RBFOX3: variants seen among roughly 807,000 people sequenced by gnomAD.
RBFOX3 encodes the protein RNA binding fox-1 homolog 3.
A neutral mutation model predicts 48.7 loss-of-function variants in RBFOX3; 17 were observed. The observed-to-expected ratio is 0.35, with a 90% CI of 0.24 to 0.52. RBFOX3 has a LOEUF of 0.52. RBFOX3 is among the 20% of genes least tolerant of loss of function. The pLI, the probability that RBFOX3 is intolerant of heterozygous loss-of-function variation, is 0.94. For synonymous variants in RBFOX3, 212 were observed against 209.5 expected, an observed-to-expected ratio of 1.01 and a Z score of -0.10; for missense variants, 382 against 497.5, an observed-to-expected ratio of 0.77 and a Z score of 2.21.
At chr17:79,374,566 G>A (rs2147749124) in intron 2 of RBFOX3, among the ~76,000 whole-genome samples, 1 of 152,356 alleles carries the variant, frequency 6.6e-6, no homozygotes, top group South Asian at 2.1e-4. Flanking sequence ...GAACCAGACT[G>A]ATGAGAAAAT....
intron 2 of RBFOX3, among the ~76,000 whole-genome samples, chr17:79,359,499 A>C (rs2085880851): frequency 6.6e-6 from 1 of 152,198 alleles, no homozygotes; most frequent in Admixed American, 6.5e-5. Context: ...ATAGCCTTCG[A>C]AGGAAGGGCA....
At chr17:79,366,344 C>A (rs1369180611) in intron 2 of RBFOX3, among the ~76,000 whole-genome samples, 3 of 152,212 alleles carry the variant, frequency 2.0e-5, no homozygotes, top group African/African-American at 7.2e-5. Context: ...TTCATGCCTG[C>A]AGACCGTGGC....
At chr17:79,627,622 C>G in the RBFOX3 span, among the ~76,000 whole-genome samples, 1 of 152,220 alleles carries the variant, frequency 6.6e-6, no homozygotes, top group Admixed American at 6.5e-5. Context: ...CCCAAGCAGC[C>G]TGGTGCCTTC....
At chr17:79,173,948 T>C (rs2049949305) in intron 4 of RBFOX3, among the ~76,000 whole-genome samples, 1 of 150,988 alleles carries the variant, frequency 6.6e-6, no homozygotes, top group Admixed American at 6.6e-5. Context: ...AGCGACCTCT[T>C]AGTCACCCTT....
chr17:79,506,435 C>T (rs1455344675), intron 1 of RBFOX3, among the ~76,000 whole-genome samples: 1 of 152,212 alleles, frequency 6.6e-6, no homozygotes, highest in Non-Finnish European at 1.5e-5. Flanking sequence ...TTGTGGGGAG[C>T]TGGGCCAGAG....
intron 1 of RBFOX3, among the ~76,000 whole-genome samples, chr17:79,569,966 G>A (rs1421539673): frequency 6.8e-6 from 1 of 147,598 alleles, no homozygotes; most frequent in Non-Finnish European, 1.5e-5. Context: ...ATTGATAGGT[G>A]GATTATAGAT....
At chr17:79,118,774 A>G (rs2034824652) in intron 4 of RBFOX3, among the ~76,000 whole-genome samples, 2 of 150,570 alleles carry the variant, frequency 1.3e-5, no homozygotes, top group South Asian at 4.2e-4. Context: ...GGAGTTCGAG[A>G]CCATCCTGGA....
At chr17:79,092,710 A>C (rs1410897655) in intron 14 of RBFOX3, 2 of 653,886 alleles carry the variant, frequency 3.1e-6, no homozygotes, top group Non-Finnish European at 1.7e-6. Context: ...AGCAAAAAGA[A>C]AAAAAAAAAG....
intron 2 of RBFOX3, among the ~76,000 whole-genome samples, chr17:79,371,925 G>A (rs996827833): frequency 1.3e-5 from 2 of 152,118 alleles, no homozygotes; most frequent in African/African-American, 4.8e-5. Context: ...CAGGATCAGA[G>A]GATCGAGGCT....
intron 2 of RBFOX3, among the ~76,000 whole-genome samples, chr17:79,329,658 A>T (rs1771607992): frequency 6.6e-6 from 1 of 152,102 alleles, no homozygotes; most frequent in Non-Finnish European, 1.5e-5. Context: ...AGTCTAGGGA[A>T]GCTGTAGGCC....
At position 79,109,847 on chromosome 17, in the gene RBFOX3, C is replaced by T. The variant is rs1477049139; in HGVS notation, c.223-3059G>A. Among the ~76,000 whole-genome samples the T allele has an allele frequency of 1.3e-5, 2 of 152,072 alleles. 1 individual carries two copies. ...CCCCAAAGTCCTAAAGGGGAGCAGCCGAGGATGAGGCGGGAGGAAGGGGGT... is the reference window on the plus strand; with the variant it reads ...CCCCAAAGTCCTAAAGGGGAGCAGCTGAGGATGAGGCGGGAGGAAGGGGGT... On this transcript the variant is annotated intron_variant, in intron 5 of 14. Transcript: ENST00000693108.
In RBFOX3 at chr17:79,106,771, T is replaced by C. The variant is rs1272481386; in HGVS notation, c.240A>G (p.Ala80=). Residue 80 remains alanine (A), a synonymous_variant, in exon 6 of 15, where the codon GCA becomes GCG. Coordinates refer to ENST00000693108, the MANE Select transcript of RBFOX3 (RefSeq NM_001350451.2). ...GGTGGAGCGGCTGGCTGTCCGTCTG[T>C]GCCGCCTCGTCTGTCTGCTGCAGGG... The part of the protein sequence containing the change: ...TQTVPQTDEA[A]QTDSQPLHPS... The C allele has an allele frequency of 2.6e-6, 4 of 1,524,292 alleles. No homozygotes were observed. In the Admixed American group the frequency reaches 6.4e-5, roughly 24 times the overall value. 94.4% of individuals were successfully genotyped at this position (1,524,292 alleles called of 1,614,324 possible).
intron 3 of RBFOX3, among the ~76,000 whole-genome samples, chr17:79,286,183 T>C (rs978533276): frequency 5.3e-5 from 8 of 152,182 alleles, no homozygotes; most frequent in African/African-American, 1.4e-4. Context: ...TCTGACGTCA[T>C]GTGGCTGCCT....
Position 79,252,028 on chromosome 17 carries a change from C to T in RBFOX3, c.-73-16223G>A, listed in dbSNP as rs2064039666. ...GGCCTGAGCCAGCCTTGTCTTTCTC[C>T]ATCTCTCAGCAGGGAATGAGTCTGC... On this transcript the variant is annotated intron_variant, in intron 3 of 14. Coordinates refer to ENST00000693108, the MANE Select transcript of RBFOX3 (RefSeq NM_001350451.2). This position sits in a 1 kb window ranked among gnomAD's most constrained non-coding sequence, Gnocchi z 4.0. 6.6e-6 allele frequency among the ~76,000 whole-genome samples: 1 copy of T among 152,176 alleles called. No homozygotes were observed. Among genetic ancestry groups the T allele is most frequent in the Non-Finnish European group, 1.5e-5 (1 of 68,028 alleles).
intron 4 of RBFOX3, among the ~76,000 whole-genome samples, chr17:79,226,711 C>A (rs2060348278): frequency 6.6e-6 from 1 of 152,216 alleles, no homozygotes; most frequent in Admixed American, 6.5e-5. Flanking sequence ...GGGATGGCAA[C>A]ATCTACCTTC....
At chr17:79,138,835 A>ATG (rs2041157293) in intron 4 of RBFOX3, among the ~76,000 whole-genome samples, 1 of 100,086 alleles carries the variant, frequency 1.0e-5, no homozygotes. Flanking sequence ...TCACCCACAC[A>ATG]CATGCACACA....
chr17:79,541,668 C>A (rs944512984), intron 1 of RBFOX3, among the ~76,000 whole-genome samples: 1 of 152,224 alleles, frequency 6.6e-6, no homozygotes, highest in African/African-American at 2.4e-5. Flanking sequence ...TACCATCAAA[C>A]CGCTAGGCCT....
intron 2 of RBFOX3, among the ~76,000 whole-genome samples, chr17:79,350,018 T>G (rs1598349418): frequency 6.6e-6 from 1 of 152,156 alleles, no homozygotes; most frequent in Non-Finnish European, 1.5e-5. Flanking sequence ...AAGTCGTCCT[T>G]AGGTCATTCA....
intron 1 of RBFOX3, among the ~76,000 whole-genome samples, chr17:79,501,018 C>T (rs1221842251): frequency 1.3e-5 from 2 of 152,258 alleles, no homozygotes; most frequent in Non-Finnish European, 2.9e-5. Context: ...TTAGGGCTTC[C>T]GTGAAGGGTG....
Sources: gnomAD v4.1 joint callset for allele counts (sites outside exome capture counted in the v4.1 genomes callset) on GRCh38, gnomAD v4.1.1 for gene constraint, Gnocchi (gnomAD v3.1) non-coding constraint, MANE v1.5 for transcripts, NCBI Gene and HGNC (gene_info 2026-07-23, HGNC 2026-07-21) for gene names.